The following RNF213 variants were observed in gnomAD, a reference collection of about 807,000 sequenced individuals.
The protein encoded by RNF213 is ring finger protein 213, also known as E3 ubiquitin-protein ligase RNF213.
In RNF213, 341 loss-of-function variants were observed where a neutral mutation model predicts 514.4. The observed-to-expected ratio is 0.66, with a 90% CI of 0.61 to 0.73. The LOEUF is 0.73. Ranked by LOEUF, RNF213 falls within the 30% of genes least tolerant of loss-of-function variation. The pLI is 0.00. For missense variants in RNF213, 5,767 were observed against 6,615.6 expected, an observed-to-expected ratio of 0.87 and a Z score of 4.45; for synonymous variants, 2,655 against 2,658.2, an observed-to-expected ratio of 1.00 and a Z score of 0.04.
At position 80,264,452 on chromosome 17, in the gene RNF213, G is replaced by T. The variant is rs577243499; in HGVS notation, c.97+674G>T. On this transcript the variant is annotated intron_variant, in intron 2 of 67. Transcript: ENST00000582970. The surrounding 1 kb of genome is among the most constrained non-coding windows in gnomAD (Gnocchi z 5.0). Reference sequence around the variant, plus strand: ...CCATTCTCAATTTTGTTGGCTTCTGGGGCCTCAGACTGGTTCCCCTCCTCC... The same window carrying T: ...CCATTCTCAATTTTGTTGGCTTCTGTGGCCTCAGACTGGTTCCCCTCCTCC... 1.3e-5 allele frequency among the ~76,000 whole-genome samples: 2 copies of T among 152,152 alleles called. No individual in the cohort carries two copies. The highest frequency in any genetic ancestry group is 6.5e-5 in the Admixed American group (1 of 15,282).
chr17:80,279,151 C>G (rs2044169770), intron 3 of RNF213, among the ~76,000 whole-genome samples: 1 of 152,250 alleles, frequency 6.6e-6, no homozygotes, highest in South Asian at 2.1e-4. Flanking sequence ...GCTTGCCCTT[C>G]TGGCCCACAT....
intron 52 of RNF213, 94 bp from the exon 53 acceptor site, chr17:80,376,788 A>C: frequency 8.4e-7 from 1 of 1,191,366 alleles, no homozygotes; most frequent in Non-Finnish European, 1.2e-6. Context: ...AGGAAAGCAG[A>C]GTTCCCTTTC....
rs1373979706 is a variant in RNF213, at chr17:80,353,825, G to C, written c.10578+159G>C. The C allele has an allele frequency of 8.2e-7, 1 of 1,221,222 alleles. No homozygotes were observed. Among genetic ancestry groups the C allele is most frequent in the East Asian group, 2.4e-5 (1 of 41,208 alleles). 75.6% of individuals were successfully genotyped at this position (1,221,222 alleles called of 1,614,324 possible). On this transcript the variant is annotated intron_variant, in intron 34 of 67. Coordinates refer to ENST00000582970, the MANE Select transcript of RNF213 (RefSeq NM_001256071.3). This position sits in a 1 kb window ranked among gnomAD's most constrained non-coding sequence, Gnocchi z 5.0. The stretch of plus-strand genomic sequence containing the variant: ...TCACACAGTGACGGTCTTGTTGCTG[G>C]TTACTGGGGGTCAAGGGCATCTGCA...
intron 57 of RNF213, 124 bp downstream of exon 57, chr17:80,381,851 A>G: frequency 1.1e-6 from 1 of 932,676 alleles, no homozygotes; most frequent in Non-Finnish European, 1.7e-6. Context: ...GTTGCTGGAA[A>G]GAATGAGAGA....
chr17:80,368,118 T>C lies in RNF213; in HGVS notation c.12130T>C (p.Ser4044Pro). The change falls in exon 44 of 68, where the codon TCT (serine) becomes CCT (proline). Residue 4044 changes from serine to proline, a missense_variant. Transcript: ENST00000582970. Reference sequence around the variant, plus strand: ...TTTAACTGCCTTGCCAGACGAATTCTCTCCAGCTGTTTCCCAAGCGCACAG... The same window carrying C: ...TTTAACTGCCTTGCCAGACGAATTCCCTCCAGCTGTTTCCCAAGCGCACAG... ...YCLTALPDEF[S>P]PAVSQAHREA... 1 of 1,614,250 alleles carries C rather than the reference T, an allele frequency of 6.2e-7. No individual in the cohort carries two copies. Among genetic ancestry groups the C allele is most frequent in the Non-Finnish European group, 8.5e-7 (1 of 1,180,048 alleles).
In RNF213 at chr17:80,353,637, A is replaced by G; in HGVS notation, c.10549A>G (p.Lys3517Glu). The change falls in exon 34 of 68, where the codon AAG (lysine) becomes GAG (glutamate). Residue 3517 changes from lysine to glutamate, a missense_variant. Around this residue, in one of 13 missense-constraint regions of RNF213, gnomAD observed 919 missense variants for 1,121.0 expected, o/e 0.82. Coordinates refer to ENST00000582970, the MANE Select transcript of RNF213 (RefSeq NM_001256071.3). The surrounding 1 kb of genome is among the most constrained non-coding windows in gnomAD (Gnocchi z 5.0). ...AACAGAAAGTTCTGAGAAGGTGGGAAAGGAAACCTCTGAACTCGGAGGCAG... is the reference window on the plus strand; with the variant it reads ...AACAGAAAGTTCTGAGAAGGTGGGAGAGGAAACCTCTGAACTCGGAGGCAG... ...METESSEKVG[K>E]ETSELGGSDV... 6.2e-7 allele frequency: 1 copy of G among 1,614,172 alleles called. No individual in the cohort carries two copies. The highest frequency in any genetic ancestry group is 8.5e-7 in the Non-Finnish European group (1 of 1,180,024).
In RNF213 at chr17:80,372,970, C is replaced by T; in HGVS notation, c.12752-5C>T. 6.2e-7 allele frequency: 1 copy of T among 1,613,282 alleles called. No individual in the cohort carries two copies. The highest frequency in any genetic ancestry group is 1.7e-5 in the Admixed American group (1 of 59,914). The stretch of plus-strand genomic sequence containing the variant: ...CACTCACCCGCTTTCTCGTTGGCCT[C>T]TCAGAGATGGCCAAGGAGAAGCAGT... On this transcript the variant is annotated splice_region_variant and splice_polypyrimidine_tract_variant and intron_variant, in intron 48 of 67. Coordinates refer to ENST00000582970, the MANE Select transcript of RNF213 (RefSeq NM_001256071.3).
chr17:80,353,196 C>A lies in RNF213; in HGVS notation c.10423+137C>A. 1 of 1,199,076 alleles carries A rather than the reference C, an allele frequency of 8.3e-7. No homozygotes were observed. Among genetic ancestry groups the A allele is most frequent in the Non-Finnish European group, 1.2e-6 (1 of 835,110 alleles). 74.3% of individuals were successfully genotyped at this position (1,199,076 alleles called of 1,614,324 possible). ...CGGCAGGAGCTCGGGGACACATCTG[C>A]AGAACTGACTGGTGGCTCATCATAG... On this transcript the variant is annotated intron_variant, in intron 33 of 67. Coordinates refer to ENST00000582970, the MANE Select transcript of RNF213 (RefSeq NM_001256071.3). This position sits in a 1 kb window ranked among gnomAD's most constrained non-coding sequence, Gnocchi z 5.0.
chr17:80,378,623 C>T (rs1007196799), intron 54 of RNF213, among the ~76,000 whole-genome samples: 3 of 152,110 alleles, frequency 2.0e-5, no homozygotes, highest in African/African-American at 7.2e-5. Context: ...GCCTGATACA[C>T]GTCATTTAAT....
At chr17:80,392,152 T>C (rs568752744) in intron 67 of RNF213, among the ~76,000 whole-genome samples, 1 of 152,210 alleles carries the variant, frequency 6.6e-6, no homozygotes, top group South Asian at 2.1e-4. Flanking sequence ...AACTTGATGT[T>C]TTCCTGACTA....
chr17:80,290,365 G>A (rs776691290), intron 6 of RNF213, among the ~76,000 whole-genome samples: 7 of 151,282 alleles, frequency 4.6e-5, no homozygotes, highest in East Asian at 2.0e-4. Context: ...GTATGTGTGC[G>A]TGTGTGAGTG....
intron 49 of RNF213, among the ~76,000 whole-genome samples, chr17:80,374,120 G>A (rs1388759095): frequency 6.6e-6 from 1 of 152,290 alleles, no homozygotes; most frequent in Admixed American, 6.5e-5. Flanking sequence ...AAGAACCCCG[G>A]CACTGTTTGA....
chr17:80,345,101 A>C lies in RNF213; in HGVS notation c.6766A>C (p.Ile2256Leu). The change falls in exon 29 of 68, where the codon ATC becomes CTC. Residue 2256 changes from isoleucine to leucine, a missense_variant. Physicochemically the swap from Ile to Leu is conservative, Grantham distance 5 (BLOSUM62 2). Coordinates refer to ENST00000582970, the MANE Select transcript of RNF213 (RefSeq NM_001256071.3). This position sits in a 1 kb window ranked among gnomAD's most constrained non-coding sequence, Gnocchi z 6.0. Reference sequence around the variant, plus strand: ...CAAGAAGTTCGTGGTGACCTTCATGATCTTTATGGCAAGAGATTTTGCCAC... The same window carrying C: ...CAAGAAGTTCGTGGTGACCTTCATGCTCTTTATGGCAAGAGATTTTGCCAC... ...GFKKFVVTFM[I>L]FMARDFATPS... 6.2e-7 allele frequency: 1 copy of C among 1,614,094 alleles called. No homozygotes were observed. Among genetic ancestry groups the C allele is most frequent in the South Asian group, 1.1e-5 (1 of 91,068 alleles).
intron 17 of RNF213, among the ~76,000 whole-genome samples, chr17:80,322,182 A>G (rs192188074): frequency 0.025 from 2,574 of 102,084 alleles, 116 homozygotes; most frequent in African/African-American, 0.091. Flanking sequence ...TTTTTTTGAG[A>G]AAAGGTCTCG....
intron 36 of RNF213, chr17:80,354,937 G>T: frequency 2.7e-6 from 1 of 367,270 alleles, no homozygotes; most frequent in Non-Finnish European, 5.3e-6. Context: ...GCAGGCAGGG[G>T]ACAGGCGGGA....
chr17:80,354,094 G>T lies in RNF213; in HGVS notation c.10654G>T (p.Glu3552Ter), dbSNP rs1051628590. The T allele has an allele frequency of 6.2e-7, 1 of 1,614,072 alleles. No homozygotes were observed. Residue 3552 changes from glutamate to a stop codon, truncating the protein, a stop_gained, in exon 35 of 68, where the codon GAG (glutamate) becomes TAG (stop). Coordinates refer to ENST00000582970, the MANE Select transcript of RNF213 (RefSeq NM_001256071.3). LOFTEE classifies it high-confidence loss of function. ...SAVGMLRDQN[E>*]SCTRNMRRVV... ...CGTGGGCATGCTCAGAGACCAGAAC[G>T]AGAGCTGCACGCGCAATATGCGGAG...
At chr17:80,384,833 C>T (rs1310475150) in intron 59 of RNF213, 8 of 626,416 alleles carry the variant, frequency 1.3e-5, no homozygotes, top group East Asian at 5.8e-5. Context: ...CCCTCTTCGC[C>T]GCCCTCCATT....
intron 54 of RNF213, among the ~76,000 whole-genome samples, chr17:80,379,112 A>G (rs1568160152): frequency 6.6e-6 from 1 of 151,600 alleles, no homozygotes; most frequent in Non-Finnish European, 1.5e-5. Flanking sequence ...GGATTGCTTG[A>G]GCCTGGGGAG....
chr17:80,298,818 A>G, intron 11 of RNF213: 1 of 325,644 alleles, frequency 3.1e-6, no homozygotes, highest in South Asian at 2.7e-5. Context: ...TACCAAAAAA[A>G]AAAAAAAAAA....
Sources: gnomAD v4.1 joint callset for allele counts (sites outside exome capture counted in the v4.1 genomes callset) on GRCh38, gnomAD v4.1.1 for gene constraint, gnomAD v4.1.1 regional missense constraint, Gnocchi (gnomAD v3.1) non-coding constraint, MANE v1.5 for transcripts, NCBI Gene and HGNC (gene_info 2026-07-23, HGNC 2026-07-21) for gene names.